COLEC11: variants seen among roughly 807,000 people sequenced by gnomAD.
The protein encoded by COLEC11 is collectin subfamily member 11.
In COLEC11, 20 loss-of-function variants were observed where a neutral mutation model predicts 27.3. That is an observed-to-expected ratio of 0.73 (90% CI 0.51 to 1.06). The LOEUF is 1.06. COLEC11 is among the 50% of genes least tolerant of loss of function. The pLI is 0.00. For synonymous variants in COLEC11, 163 were observed against 154.7 expected, an observed-to-expected ratio of 1.05 and a Z score of -0.40; for missense variants, 310 against 383.0, an observed-to-expected ratio of 0.81 and a Z score of 1.59.
intron 2 of COLEC11, among the ~76,000 whole-genome samples, chr2:3,608,453 C>T (rs1174165673): frequency 1.3e-5 from 2 of 152,132 alleles, no homozygotes; most frequent in Non-Finnish European, 2.9e-5. Context: ...GTATAGAAAT[C>T]CTGCTCTGGA....
chr2:3,595,257 C>T (rs1055442246), intron 1 of COLEC11, 89 bp downstream of exon 1: 13 of 194,280 alleles, frequency 6.7e-5, no homozygotes, highest in Non-Finnish European at 1.4e-4. Context: ...AAACTGGGCG[C>T]GAGGTGGGCT....
Position 3,643,773 on chromosome 2 carries a change from G to A in COLEC11, c.471G>A (p.Val157=). The change falls in exon 7 of 7, where the codon GTG becomes GTA. Residue 157 remains valine (V), a synonymous_variant. Coordinates refer to ENST00000349077, the MANE Select transcript of COLEC11 (RefSeq NM_024027.5). ...RETESKIYLL[V]KEEKRYADAQ... is the part of the protein sequence containing the mutation. ...CGGAGAGCAAGATCTACCTGCTGGT[G>A]AAGGAGGAGAAGCGCTACGCGGACG... 1 of 1,613,632 alleles carries A rather than the reference G, an allele frequency of 6.2e-7. No individual in the cohort carries two copies. The highest frequency in any genetic ancestry group is 8.5e-7 in the Non-Finnish European group (1 of 1,179,942).
chr2:3,603,758 A>G, intron 1 of COLEC11: 1 of 1,255,844 alleles, frequency 8.0e-7, no homozygotes, highest in Non-Finnish European at 1.1e-6. Context: ...CTGGGTTCCT[A>G]AGGCCGGGGC....
chr2:3,641,468 A>G (rs1205088692), intron 5 of COLEC11: 2 of 1,241,606 alleles, frequency 1.6e-6, no homozygotes, highest in South Asian at 2.7e-5. Flanking sequence ...GGGACGTCCC[A>G]TCCCGGGGCT....
At chr2:3,636,648 C>G (rs1665436488) in intron 3 of COLEC11, among the ~76,000 whole-genome samples, 1 of 152,134 alleles carries the variant, frequency 6.6e-6, no homozygotes, top group South Asian at 2.1e-4. Context: ...CAGTTTTTCC[C>G]TATGTACTTG....
At position 3,643,443 on chromosome 2, in the gene COLEC11, G is replaced by T; in HGVS notation, c.329-1G>T. The T allele has an allele frequency of 1.2e-6, 2 of 1,613,192 alleles. No individual in the cohort carries two copies. The highest frequency in any genetic ancestry group is 2.2e-5 in the South Asian group (2 of 91,074). Reference sequence around the variant, plus strand: ...GTAACGCGTGGGCCTGGCCCCCGCAGGCCTCCCATGTGAGTGCAGCCAGCT... The same window carrying T: ...GTAACGCGTGGGCCTGGCCCCCGCATGCCTCCCATGTGAGTGCAGCCAGCT... On this transcript the variant is annotated splice_acceptor_variant, in intron 5 of 6. Coordinates refer to ENST00000349077, the MANE Select transcript of COLEC11 (RefSeq NM_024027.5). LOFTEE classifies it high-confidence loss of function.
intron 3 of COLEC11, among the ~76,000 whole-genome samples, chr2:3,620,175 T>C (rs576179619): frequency 2.8e-4 from 43 of 152,318 alleles, no homozygotes; most frequent in Admixed American, 8.5e-4. Flanking sequence ...AAGTTTGGCA[T>C]GAGGCTACCA....
intron 3 of COLEC11, among the ~76,000 whole-genome samples, chr2:3,635,013 C>T (rs1665280818): frequency 6.6e-6 from 1 of 151,508 alleles, no homozygotes; most frequent in African/African-American, 2.4e-5. Context: ...TGGGCCCCTG[C>T]CTCCCACTGG....
At chr2:3,642,302 G>T (rs1187462210) in intron 5 of COLEC11, among the ~76,000 whole-genome samples, 1 of 152,328 alleles carries the variant, frequency 6.6e-6, no homozygotes, top group African/African-American at 2.4e-5. Context: ...GCAGGGATAG[G>T]AGCAGCACGC....
intron 3 of COLEC11, among the ~76,000 whole-genome samples, chr2:3,632,364 C>A (rs1269632699): frequency 2.0e-5 from 3 of 152,196 alleles, no homozygotes; most frequent in Non-Finnish European, 4.4e-5. Flanking sequence ...CGGGCAGCTT[C>A]CAGGACAGAG....
intron 1 of COLEC11, chr2:3,603,559 T>G (rs1289703112): frequency 7.9e-7 from 1 of 1,260,676 alleles, no homozygotes; most frequent in Non-Finnish European, 1.1e-6. Context: ...TTAGGTGATC[T>G]GCCCACCTCA....
chr2:3,615,424 C>T (rs1267230044), intron 3 of COLEC11, among the ~76,000 whole-genome samples: 1 of 152,198 alleles, frequency 6.6e-6, no homozygotes, highest in Non-Finnish European at 1.5e-5. Flanking sequence ...TGAGTGGACA[C>T]AGCACATGTT....
rs1456094088 is a variant in COLEC11 at position 3,600,654 on chromosome 2, G to C, written c.-26-3661G>C. ...TTCAGGATGGCGTCCCCCAGGGGAG[G>C]GCGCGTGGATGGGAGCGGGGCTGGG... On this transcript the variant is annotated intron_variant, in intron 1 of 6. Transcript: ENST00000349077. Among the ~76,000 whole-genome samples, 4 of 152,240 alleles carry C rather than the reference G, an allele frequency of 2.6e-5. No homozygotes were observed. In the East Asian group the frequency reaches 5.8e-4, roughly 22 times the overall value.
chr2:3,637,647 A>C (rs1332713210), intron 4 of COLEC11, 43 bp downstream of exon 4: 1 of 1,486,160 alleles, frequency 6.7e-7, no homozygotes, highest in Admixed American at 1.7e-5. Context: ...CCCTGCCCCT[A>C]GGGTCAGCGT....
intron 2 of COLEC11, 103 bp downstream of exon 2, chr2:3,604,573 C>T: frequency 1.5e-6 from 2 of 1,306,540 alleles, no homozygotes; most frequent in South Asian, 2.4e-5. Flanking sequence ...AAAGCCCCAG[C>T]AAATCTGCTT....
intron 3 of COLEC11, among the ~76,000 whole-genome samples, chr2:3,618,818 AT>A (rs765916240): frequency 2.0e-5 from 3 of 152,054 alleles, no homozygotes; most frequent in Non-Finnish European, 4.4e-5. Context: ...ACGAACAGAT[AT>A]TTTTTCCATT....
rs865972528 is a variant in COLEC11 at position 3,612,778 on chromosome 2, G to A, written c.131-533G>A. ...TGCTGAGCCTTGGAAGTGGGTGGAC[G>A]TGCCCACCTGGTCACAGGCAGCCCC... On this transcript the variant is annotated intron_variant, in intron 2 of 6. Transcript: ENST00000349077. Among the ~76,000 whole-genome samples the A allele has an allele frequency of 2.6e-4, 40 of 152,280 alleles. No homozygotes were observed. The Middle Eastern group carries it at 0.01, about 39-fold the overall frequency.
chr2:3,612,968 G>A (rs1000026153), intron 2 of COLEC11, among the ~76,000 whole-genome samples: 6 of 146,466 alleles, frequency 4.1e-5, no homozygotes, highest in Admixed American at 2.0e-4. Context: ...AGACGCTGCC[G>A]CCCTTCTCAT....
intron 1 of COLEC11, among the ~76,000 whole-genome samples, chr2:3,597,988 G>A (rs1160877767): frequency 6.6e-6 from 1 of 151,736 alleles, no homozygotes; most frequent in Non-Finnish European, 1.5e-5. Flanking sequence ...CAGGCTAGAG[G>A]GCAGTGGTGT....
Sources: gnomAD v4.1 joint callset for allele counts (sites outside exome capture counted in the v4.1 genomes callset) on GRCh38, gnomAD v4.1.1 for gene constraint, MANE v1.5 for transcripts, NCBI Gene and HGNC (gene_info 2026-07-23, HGNC 2026-07-21) for gene names.